The following UNC13C variants were observed in gnomAD, a reference collection of about 807,000 sequenced individuals.
UNC13C encodes the protein unc-13 homolog C.
UNC13C carries 174 observed loss-of-function variants against 245.4 expected under a neutral mutation model. The ratio of observed to expected loss-of-function variants is 0.71; its 90% CI spans 0.63 to 0.80. The LOEUF (loss-of-function observed/expected upper bound fraction) is 0.80, where lower values mean the gene tolerates loss of function less well. Among genes scored for constraint, UNC13C ranks in the 30% least tolerant of loss-of-function variants. The probability of loss-of-function intolerance (pLI) is 0.00; values close to 1 mark genes in which losing one functional copy is unlikely to be tolerated. For missense variants in UNC13C, 2,829 were observed against 2,602.9 expected (o/e 1.09, Z -1.89); for synonymous variants, 992 against 895.1 (o/e 1.11, Z -1.93).
chr15:53,957,956 T>G, the UNC13C span, among the ~76,000 whole-genome samples: 1 of 151,254 alleles, frequency 6.6e-6, no homozygotes. Context: ...GGGCTCAGAT[T>G]TTTTTGTTTG....
intron 22 of UNC13C, among the ~76,000 whole-genome samples, chr15:54,506,813 A>G (rs1010742208): frequency 6.6e-6 from 1 of 152,162 alleles, no homozygotes; most frequent in African/African-American, 2.4e-5. Context: ...CTCTTCTAAG[A>G]AAATCATATC....
At chr15:54,624,247 AT>A (rs1900997536) in intron 32 of UNC13C, among the ~76,000 whole-genome samples, 1 of 152,192 alleles carries the variant, frequency 6.6e-6, no homozygotes. Context: ...GTCATATGGC[AT>A]TAAATACAAT....
intron 2 of UNC13C, among the ~76,000 whole-genome samples, chr15:54,093,230 T>C (rs1007393527): frequency 1.3e-5 from 2 of 152,148 alleles, no homozygotes; most frequent in African/African-American, 4.8e-5. Context: ...GTCTATTTTG[T>C]TCCCCAATAA....
chr15:54,423,539 A>G (rs1259467646), intron 19 of UNC13C, among the ~76,000 whole-genome samples: 2 of 151,878 alleles, frequency 1.3e-5, no homozygotes, highest in African/African-American at 4.8e-5. Flanking sequence ...ATGCATAAAA[A>G]TGTTTTCTCT....
intron 10 of UNC13C, among the ~76,000 whole-genome samples, chr15:54,293,240 A>G (rs2037347646): frequency 6.6e-6 from 1 of 152,092 alleles, no homozygotes; most frequent in South Asian, 2.1e-4. Context: ...CCTAGGGAAG[A>G]GTGTATACAA....
chr15:54,440,760 T>C (rs919850836), intron 19 of UNC13C, among the ~76,000 whole-genome samples: 9 of 152,110 alleles, frequency 5.9e-5, no homozygotes, highest in Non-Finnish European at 1.3e-4. Flanking sequence ...GCTATACTAA[T>C]TTACGTTTCC....
At chr15:54,066,337 T>G (rs1265867345) in intron 2 of UNC13C, among the ~76,000 whole-genome samples, 1 of 152,220 alleles carries the variant, frequency 6.6e-6, no homozygotes, top group Non-Finnish European at 1.5e-5. Context: ...ATGAGTAATT[T>G]CTCTGGTGAA....
chr15:54,015,769 C>G lies in UNC13C; in HGVS notation c.2866C>G (p.Pro956Ala), dbSNP rs764523117. The G allele has an allele frequency of 6.2e-7, 1 of 1,612,596 alleles. No individual in the cohort carries two copies. The highest frequency in any genetic ancestry group is 1.3e-5 in the African/African-American group (1 of 75,002). ...AAGAGAAGATGAAAACCAAAACATT[C>G]CTGAACAGCCAGTGGAGATCACAAA... Reference protein sequence around the residue: ...EIREDENQNIPEQPVEITKPK... With the variant: ...EIREDENQNIAEQPVEITKPK... The change falls in exon 2 of 33, where the codon CCT (proline) becomes GCT (alanine). Residue 956 changes from proline (P) to alanine (A), a missense_variant. Pro to Ala is a conservative substitution (Grantham distance 27). Coordinates refer to ENST00000260323, the MANE Select transcript of UNC13C (RefSeq NM_001080534.3).
intron 2 of UNC13C, among the ~76,000 whole-genome samples, chr15:54,109,373 G>T (rs1237585270): frequency 1.8e-5 from 2 of 110,400 alleles, no homozygotes; most frequent in Admixed American, 1.3e-4. Flanking sequence ...TGACAGTCTT[G>T]CTCTGTCGCC....
intron 4 of UNC13C, among the ~76,000 whole-genome samples, chr15:54,182,665 C>T (rs1474217426): frequency 6.6e-6 from 1 of 151,634 alleles, no homozygotes; most frequent in East Asian, 1.9e-4. Flanking sequence ...TTTTAACAAC[C>T]CACGATTTAT....
At chr15:53,942,463 A>G in the UNC13C span, among the ~76,000 whole-genome samples, 2 of 151,968 alleles carry the variant, frequency 1.3e-5, no homozygotes, top group African/African-American at 2.4e-5. Flanking sequence ...CTTAATACCT[A>G]TGTGATAGGA....
At position 54,073,527 on chromosome 15, in the gene UNC13C, A is replaced by G. The variant is rs572604153; in HGVS notation, c.2983+57641A>G. Among the ~76,000 whole-genome samples, 3 of 152,286 alleles carry G rather than the reference A, an allele frequency of 2.0e-5. No homozygotes were observed. The East Asian group carries it at 5.8e-4, about 29-fold the overall frequency. On this transcript the variant is annotated intron_variant, in intron 2 of 32. Transcript: ENST00000260323. ...TGTAAAAGTGTTACCATTTCTCCAC[A>G]TCCTCTCCAGCATCTGTTGTTTCCT...
At chr15:54,340,424 G>A (rs1156507934) in intron 17 of UNC13C, among the ~76,000 whole-genome samples, 2 of 152,170 alleles carry the variant, frequency 1.3e-5, no homozygotes, top group African/African-American at 4.8e-5. Flanking sequence ...CGAGGTCTTA[G>A]ATTTAAGTTC....
chr15:53,992,008 A>C (rs930284365), intron 1 of UNC13C, among the ~76,000 whole-genome samples: 1 of 151,970 alleles, frequency 6.6e-6, no homozygotes, highest in African/African-American at 2.4e-5. Context: ...TAGTACATCT[A>C]CTTCTCTGAG....
At chr15:54,584,094 T>C (rs2141244098) in intron 30 of UNC13C, among the ~76,000 whole-genome samples, 1 of 152,318 alleles carries the variant, frequency 6.6e-6, no homozygotes, top group South Asian at 2.1e-4. Flanking sequence ...GTGCCTCACC[T>C]GACTGACACC....
chr15:54,606,655 A>G (rs1206849569), intron 30 of UNC13C, among the ~76,000 whole-genome samples: 1 of 152,226 alleles, frequency 6.6e-6, no homozygotes, highest in Non-Finnish European at 1.5e-5. Context: ...ATAAAAGGAA[A>G]AAACTATTTC....
chr15:54,049,721 T>G, intron 2 of UNC13C: 1 of 232,876 alleles, frequency 4.3e-6, no homozygotes, highest in Non-Finnish European at 8.7e-6. Context: ...CTAAAGCATG[T>G]GATCACCCAG....
At chr15:54,297,614 A>C (rs1010791613) in intron 11 of UNC13C, among the ~76,000 whole-genome samples, 197 bp from the exon 12 acceptor site, 1 of 152,222 alleles carries the variant, frequency 6.6e-6, no homozygotes, top group Non-Finnish European at 1.5e-5. Flanking sequence ...TTGGCTTCCC[A>C]AAACACTGAG....
the UNC13C span, among the ~76,000 whole-genome samples, chr15:53,942,950 A>C: frequency 3.9e-5 from 6 of 152,234 alleles, no homozygotes; most frequent in Non-Finnish European, 8.8e-5. Flanking sequence ...GGCGTGAGCC[A>C]TTGTGCCCAG....
Sources: allele counts gnomAD v4.1 joint callset (sites outside exome capture counted in the v4.1 genomes callset), GRCh38; gene constraint gnomAD v4.1.1; transcripts MANE v1.5; gene names NCBI Gene and HGNC (gene_info 2026-07-23, HGNC 2026-07-21).